Variants in EXOC4 observed in about 807,000 individuals in gnomAD.
The protein encoded by EXOC4 is SEC8-like 1.
EXOC4 carries 71 observed loss-of-function variants against 107.2 expected under a neutral mutation model. The observed-to-expected ratio is 0.66, with a 90% CI of 0.55 to 0.81. The LOEUF is 0.81. Among genes scored for constraint, EXOC4 ranks in the 30% least tolerant of loss-of-function variants. EXOC4 has a pLI of 0.00. For synonymous variants in EXOC4, 456 were observed against 441.2 expected (o/e 1.03, Z -0.42); for missense variants, 1,108 against 1,189.6 (o/e 0.93, Z 1.01).
intron 14 of EXOC4, among the ~76,000 whole-genome samples, chr7:133,940,558 C>A (rs1800402291): frequency 2.0e-5 from 3 of 152,286 alleles, no homozygotes; most frequent in African/African-American, 7.2e-5. Flanking sequence ...GTAATCACTA[C>A]TTATGGTGTC....
chr7:133,622,239 C>T (rs189997810), intron 9 of EXOC4, among the ~76,000 whole-genome samples: 62 of 152,168 alleles, frequency 4.1e-4, no homozygotes, highest in South Asian at 3.5e-3. Context: ...CCTCCCATAG[C>T]GCTGGAATTA....
intron 9 of EXOC4, among the ~76,000 whole-genome samples, chr7:133,505,877 G>T (rs146363766): frequency 6.6e-6 from 1 of 152,172 alleles, no homozygotes; most frequent in African/African-American, 2.4e-5. Flanking sequence ...TTGTTGTTGT[G>T]TTCAGCTTAA....
At position 133,274,851 on chromosome 7, in the gene EXOC4, CTT is replaced by C. The variant is rs1351772329; in HGVS notation, c.87-130_87-129del. The C allele has an allele frequency of 1.3e-5, 9 of 718,532 alleles. No homozygotes were observed. In the East Asian group the frequency reaches 2.5e-4, roughly 20 times the overall value. The allele number at this position is 718,532 out of a possible 1,614,324, so 44.5% of individuals were successfully genotyped here. A position where few individuals can be genotyped will look rare whatever the true frequency, so the allele number is the denominator to read the frequency against. On this transcript the variant is annotated intron_variant, in intron 1 of 17. Coordinates refer to ENST00000253861, the MANE Select transcript of EXOC4 (RefSeq NM_021807.4). ...GAAGTTTTGTGTTTTCTGTTTGTAA[CTT>C]ATTTCATTTCCTAGTTAATAAGATG...
chr7:133,352,834 A>G (rs917978050), intron 5 of EXOC4, among the ~76,000 whole-genome samples: 1 of 151,980 alleles, frequency 6.6e-6, no homozygotes, highest in African/African-American at 2.4e-5. Context: ...TGTGCTTACC[A>G]TAGGAATTAC....
At chr7:133,901,074 T>C (rs961191902) in intron 12 of EXOC4, among the ~76,000 whole-genome samples, 1 of 152,142 alleles carries the variant, frequency 6.6e-6, no homozygotes, top group Non-Finnish European at 1.5e-5. Flanking sequence ...TTCACCATGT[T>C]GGCCAGGCTG....
At chr7:133,878,891 A>C (rs1313672100) in intron 11 of EXOC4, among the ~76,000 whole-genome samples, 8 of 151,800 alleles carry the variant, frequency 5.3e-5, no homozygotes, top group Non-Finnish European at 8.8e-5. Flanking sequence ...TGCCTGGCTA[A>C]TTTTTGTATT....
chr7:133,842,878 A>C (rs2151251169), intron 11 of EXOC4, among the ~76,000 whole-genome samples: 1 of 152,262 alleles, frequency 6.6e-6, no homozygotes, highest in Admixed American at 6.5e-5. Context: ...TTATCCCAGC[A>C]CCATTTATCG....
chr7:133,291,556 A>G (rs943881802), intron 3 of EXOC4, among the ~76,000 whole-genome samples: 1 of 151,602 alleles, frequency 6.6e-6, no homozygotes, highest in African/African-American at 2.4e-5. Context: ...TAATTTTTGC[A>G]TTTTTAGTAG....
intron 14 of EXOC4, among the ~76,000 whole-genome samples, chr7:133,947,239 T>C (rs1420299133): frequency 2.6e-5 from 4 of 152,236 alleles, no homozygotes; most frequent in African/African-American, 9.6e-5. Flanking sequence ...CTGGGCTTCC[T>C]ACCATGAATC....
chr7:133,688,834 T>A (rs1212130346), intron 10 of EXOC4, among the ~76,000 whole-genome samples: 1 of 152,208 alleles, frequency 6.6e-6, no homozygotes, highest in Non-Finnish European at 1.5e-5. Flanking sequence ...CCAGTTCTTT[T>A]GGAATTAACC....
chr7:133,297,248 A>G (rs1289369527), intron 3 of EXOC4, among the ~76,000 whole-genome samples: 3 of 152,264 alleles, frequency 2.0e-5, no homozygotes, highest in South Asian at 2.1e-4. Flanking sequence ...GTTAAATGAG[A>G]TGATTTAGTA....
chr7:133,958,210 A>G (rs1800861306), intron 14 of EXOC4, among the ~76,000 whole-genome samples: 1 of 152,210 alleles, frequency 6.6e-6, no homozygotes, highest in African/African-American at 2.4e-5. Flanking sequence ...CAAATTGGCT[A>G]CTTAATCAAA....
At chr7:133,402,020 T>C (rs1273311042) in intron 7 of EXOC4, among the ~76,000 whole-genome samples, 1 of 152,170 alleles carries the variant, frequency 6.6e-6, no homozygotes, top group Non-Finnish European at 1.5e-5. Context: ...GAGTACTATG[T>C]AATTAAGGGC....
At chr7:134,011,293 A>G (rs186824190) in intron 17 of EXOC4, among the ~76,000 whole-genome samples, 1 of 152,154 alleles carries the variant, frequency 6.6e-6, no homozygotes, top group African/African-American at 2.4e-5. Context: ...GGAGTCCCCA[A>G]GATATATCTG....
intron 9 of EXOC4, among the ~76,000 whole-genome samples, chr7:133,547,166 TAGCA>T (rs1800497903): frequency 6.6e-6 from 1 of 152,226 alleles, no homozygotes; most frequent in African/African-American, 2.4e-5. Context: ...AATCACTATA[TAGCA>T]AGCCACATGA....
chr7:134,098,185 T>A, the EXOC4 span, among the ~76,000 whole-genome samples: 4 of 152,200 alleles, frequency 2.6e-5, no homozygotes, highest in African/African-American at 9.6e-5. Context: ...GTGATCAGTC[T>A]TCTGCTGGAA....
At chr7:133,864,031 GTTC>G (rs1010207347) in intron 11 of EXOC4, among the ~76,000 whole-genome samples, 3 of 152,262 alleles carry the variant, frequency 2.0e-5, no homozygotes, top group South Asian at 2.1e-4. Context: ...ATCATCATCA[GTTC>G]TTCTTTTGTT....
intron 10 of EXOC4, among the ~76,000 whole-genome samples, chr7:133,788,408 A>G (rs1796634267): frequency 2.0e-5 from 3 of 149,604 alleles, no homozygotes; most frequent in South Asian, 4.2e-4. Flanking sequence ...TCCCAAAACT[A>G]CTCCTCCTAT....
chr7:133,502,765 A>C (rs2150889163), intron 9 of EXOC4, among the ~76,000 whole-genome samples: 1 of 152,302 alleles, frequency 6.6e-6, no homozygotes, highest in East Asian at 1.9e-4. Flanking sequence ...AACATAATGA[A>C]AATTCATTTG....
Sources: gnomAD v4.1 joint callset for allele counts (sites outside exome capture counted in the v4.1 genomes callset) on GRCh38, gnomAD v4.1.1 for gene constraint, MANE v1.5 for transcripts, NCBI Gene and HGNC (gene_info 2026-07-23, HGNC 2026-07-21) for gene names.